CLYBL: variants seen among roughly 807,000 people sequenced by gnomAD.
CLYBL encodes citramalyl-CoA lyase, mitochondrial.
A neutral mutation model predicts 38.9 loss-of-function variants in CLYBL; 31 were observed. The observed-to-expected ratio is 0.80, with a 90% CI of 0.60 to 1.08. The LOEUF (loss-of-function observed/expected upper bound fraction) is 1.08. Among genes scored for constraint, CLYBL ranks in the 50% least tolerant of loss-of-function variants. CLYBL has a pLI of 0.00. For synonymous variants in CLYBL, 171 were observed against 158.6 expected, an observed-to-expected ratio of 1.08 and a Z score of -0.59; for missense variants, 434 against 411.6, an observed-to-expected ratio of 1.05 and a Z score of -0.47.
intron 1 of CLYBL, among the ~76,000 whole-genome samples, chr13:99,632,772 C>A (rs1240569521): frequency 1.3e-5 from 2 of 151,488 alleles, no homozygotes; most frequent in African/African-American, 4.9e-5. Flanking sequence ...ACAAAAAAAC[C>A]CCACTAGATA....
intron 2 of CLYBL, among the ~76,000 whole-genome samples, chr13:99,785,932 G>A (rs568720514): frequency 1.3e-5 from 2 of 151,722 alleles, no homozygotes; most frequent in African/African-American, 2.4e-5. Flanking sequence ...TTCTATTTCA[G>A]GCATGATATA....
At chr13:99,686,447 A>G (rs1350760240) in intron 1 of CLYBL, among the ~76,000 whole-genome samples, 1 of 152,176 alleles carries the variant, frequency 6.6e-6, no homozygotes, top group Non-Finnish European at 1.5e-5. Flanking sequence ...TTCTGTTTCC[A>G]CAGTCCTTTG....
At chr13:99,784,420 G>C (rs965084410) in intron 2 of CLYBL, among the ~76,000 whole-genome samples, 1 of 116,582 alleles carries the variant, frequency 8.6e-6, no homozygotes, top group African/African-American at 2.8e-5. Flanking sequence ...ATTGCTTTTT[G>C]TTATTCCTCT....
At chr13:99,888,338 GTGT>G (rs1310522771) in intron 7 of CLYBL, among the ~76,000 whole-genome samples, 1 of 152,194 alleles carries the variant, frequency 6.6e-6, no homozygotes, top group African/African-American at 2.4e-5. Context: ...CTACTTCAAA[GTGT>G]TGTTATGAGC....
chr13:99,832,630 A>C (rs907058208), intron 2 of CLYBL, among the ~76,000 whole-genome samples: 5 of 152,106 alleles, frequency 3.3e-5, no homozygotes, highest in Non-Finnish European at 7.3e-5. Flanking sequence ...CTAGTCCTGA[A>C]GTTATCATTC....
chr13:99,815,427 GA>G (rs1330917351), intron 2 of CLYBL, among the ~76,000 whole-genome samples: 1 of 152,098 alleles, frequency 6.6e-6, no homozygotes, highest in African/African-American at 2.4e-5. Flanking sequence ...TGTAGCAAAA[GA>G]AAAAATAAAT....
In CLYBL at chr13:99,801,063, AG is replaced by A. The variant is rs1319199641; in HGVS notation, c.249+28057del. ...CTCTGAGGGTGTAAGTGAGGGCAGA[AG>A]GGGAAGCTGAGGCTTAAATAACATC... is the stretch of plus-strand genomic sequence containing the variant. On this transcript the variant is annotated intron_variant, in intron 2 of 8. Coordinates refer to ENST00000339105, the MANE Select transcript of CLYBL (RefSeq NM_206808.5). 3.2e-4 allele frequency among the ~76,000 whole-genome samples: 48 copies of A among 152,284 alleles called. 1 individual carries two copies. Among genetic ancestry groups the A allele is most frequent in the Admixed American group, 2.6e-3 (39 of 15,294 alleles).
At position 99,732,169 on chromosome 13, in the gene CLYBL, G is replaced by GTTT. The variant is rs35027014; in HGVS notation, c.63-40635_63-40633dup. On this transcript the variant is annotated intron_variant, in intron 1 of 8. Coordinates refer to ENST00000339105, the MANE Select transcript of CLYBL (RefSeq NM_206808.5). ...TTAGAAATTTCAGCATTATATGGCA[G>GTTT]TTTTTTTTTTTTTTTTTTTTTTGAG... 9.7e-3 allele frequency among the ~76,000 whole-genome samples: 877 copies of GTTT among 90,730 alleles called. 23 individuals are homozygous for GTTT. Among genetic ancestry groups the GTTT allele is most frequent in the Non-Finnish European group, 0.011 (535 of 47,830 alleles). 59.5% of individuals were successfully genotyped at this position (90,730 alleles called of 152,430 possible).
chr13:99,737,238 A>G (rs540537736), intron 1 of CLYBL, among the ~76,000 whole-genome samples: 1 of 149,424 alleles, frequency 6.7e-6, no homozygotes, highest in East Asian at 1.9e-4. Flanking sequence ...ATGTGGCAAA[A>G]TGCCTGCCAT....
At chr13:99,654,328 G>A (rs2047297486) in intron 1 of CLYBL, among the ~76,000 whole-genome samples, 1 of 152,172 alleles carries the variant, frequency 6.6e-6, no homozygotes, top group Non-Finnish European at 1.5e-5. Flanking sequence ...GGCTGGCAGT[G>A]GGGAGTGAGG....
At chr13:99,891,958 T>G (rs552196359) in intron 8 of CLYBL, 3 of 152,442 alleles carry the variant, frequency 2.0e-5, no homozygotes, top group Non-Finnish European at 4.4e-5. Flanking sequence ...AAAAAGACAC[T>G]TTCTGAAAAT....
At chr13:99,768,488 C>T (rs1444812055) in intron 1 of CLYBL, among the ~76,000 whole-genome samples, 12 of 138,816 alleles carry the variant, frequency 8.6e-5, no homozygotes, top group East Asian at 2.1e-4. Flanking sequence ...CCACTGCGCC[C>T]GACCTCTTTT....
At chr13:99,851,329 T>C (rs2051324435) in intron 2 of CLYBL, among the ~76,000 whole-genome samples, 1 of 141,102 alleles carries the variant, frequency 7.1e-6, no homozygotes, top group African/African-American at 2.7e-5. Context: ...ATCATGCCAT[T>C]GCACTCCAGC....
intron 7 of CLYBL, among the ~76,000 whole-genome samples, chr13:99,872,388 G>T (rs761682964): frequency 2.6e-5 from 4 of 152,138 alleles, no homozygotes; most frequent in Non-Finnish European, 5.9e-5. Context: ...CTTGTGTTTA[G>T]TGTCCATTTT....
At chr13:99,732,691 T>G (rs2806280) in intron 1 of CLYBL, among the ~76,000 whole-genome samples, 1 of 151,946 alleles carries the variant, frequency 6.6e-6, no homozygotes, top group Non-Finnish European at 1.5e-5. Context: ...GCTTAAAAAT[T>G]GAGTTAAGAT....
chr13:99,673,671 G>A (rs1035163854), intron 1 of CLYBL, among the ~76,000 whole-genome samples: 1 of 152,200 alleles, frequency 6.6e-6, no homozygotes, highest in African/African-American at 2.4e-5. Flanking sequence ...GGTGAGACCA[G>A]AGGGGGAACC....
At chr13:99,882,136 T>A (rs1194321882) in intron 7 of CLYBL, among the ~76,000 whole-genome samples, 1 of 152,158 alleles carries the variant, frequency 6.6e-6, no homozygotes, top group African/African-American at 2.4e-5. Context: ...AAAATAAATA[T>A]GTAGCTGTAT....
At chr13:99,729,237 A>T (rs2048537998) in intron 1 of CLYBL, among the ~76,000 whole-genome samples, 1 of 152,228 alleles carries the variant, frequency 6.6e-6, no homozygotes, top group African/African-American at 2.4e-5. Flanking sequence ...GTTATGCCTG[A>T]CACATTGTCG....
intron 1 of CLYBL, among the ~76,000 whole-genome samples, chr13:99,692,275 T>G (rs1055661244): frequency 1.8e-5 from 2 of 112,146 alleles, no homozygotes; most frequent in African/African-American, 3.0e-5. Context: ...AAGTTCACAT[T>G]TGTTTTTTTT....
Sources: gnomAD v4.1 joint callset for allele counts (sites outside exome capture counted in the v4.1 genomes callset) on GRCh38, gnomAD v4.1.1 for gene constraint, MANE v1.5 for transcripts, NCBI Gene and HGNC (gene_info 2026-07-23, HGNC 2026-07-21) for gene names.